SULF1: variants seen among roughly 807,000 people sequenced by gnomAD.
SULF1 encodes the protein extracellular sulfatase Sulf-1.
In SULF1, 46 loss-of-function variants were observed where a neutral mutation model predicts 110.5. That is an observed-to-expected ratio of 0.42 (90% CI 0.33 to 0.53). The LOEUF (loss-of-function observed/expected upper bound fraction) is 0.53, where lower values mean the gene tolerates loss of function less well. Ranked by LOEUF, SULF1 falls within the 20% of genes least tolerant of loss-of-function variation. The pLI is 0.12. For missense variants in SULF1, 941 were observed against 1,094.2 expected (o/e 0.86, Z 1.98); for synonymous variants, 371 against 387.1 (o/e 0.96, Z 0.49).
At chr8:69,539,668 G>T (rs1473680622) in intron 3 of SULF1, among the ~76,000 whole-genome samples, 1 of 152,142 alleles carries the variant, frequency 6.6e-6, no homozygotes, top group East Asian at 1.9e-4. Flanking sequence ...GATATGCGCA[G>T]GGCATTCCTC....
At chr8:69,616,702 G>GTTTT (rs35961171) in intron 13 of SULF1, among the ~76,000 whole-genome samples, 5 of 104,604 alleles carry the variant, frequency 4.8e-5, no homozygotes, top group Admixed American at 2.1e-4. Context: ...GTGCCCGGCC[G>GTTTT]TTTTTTTTTT....
intron 22 of SULF1, among the ~76,000 whole-genome samples, chr8:69,642,870 C>CCT (rs1457949427): frequency 3.3e-5 from 5 of 152,192 alleles, no homozygotes; most frequent in African/African-American, 9.6e-5. Context: ...GGACCCTCCC[C>CCT]TTCCCTGATC....
chr8:69,617,412 TATATATATATATATATATATA>T (rs1563592234), intron 13 of SULF1, among the ~76,000 whole-genome samples: 61 of 86,382 alleles, frequency 7.1e-4, no homozygotes, highest in Admixed American at 1.1e-3. Flanking sequence ...TATATATATA[TATATATATATATATATATATA>T]TGTTTTTTTT....
At chr8:69,556,585 T>C (rs572356954) in intron 3 of SULF1, among the ~76,000 whole-genome samples, 1 of 152,306 alleles carries the variant, frequency 6.6e-6, no homozygotes, top group African/African-American at 2.4e-5. Flanking sequence ...TAATGCAATA[T>C]CTCAAGGTAC....
rs190086440 is a variant in SULF1 at position 69,645,491 on chromosome 8, G to A, written c.2585+4650G>A. 5.1e-4 allele frequency among the ~76,000 whole-genome samples: 78 copies of A among 152,308 alleles called. 1 individual carries two copies. Among genetic ancestry groups the A allele is most frequent in the Admixed American group, 4.1e-3 (62 of 15,306 alleles). The stretch of plus-strand genomic sequence containing the variant: ...CGAAACAACCACCTCTGTGCCAAAC[G>A]CCGCCTTCACAGGGAGTGCAGTCTG... On this transcript the variant is annotated intron_variant, in intron 22 of 22. Transcript: ENST00000402687.
intron 3 of SULF1, among the ~76,000 whole-genome samples, chr8:69,505,491 T>C (rs905097346): frequency 4.6e-5 from 7 of 152,166 alleles, no homozygotes; most frequent in African/African-American, 1.4e-4. Context: ...GAAAATTTTA[T>C]TATAAGGATG....
chr8:69,586,454 T>C lies in SULF1; in HGVS notation c.510T>C (p.Asn170=), dbSNP rs770115379. 11 of 1,612,128 alleles carry C rather than the reference T, an allele frequency of 6.8e-6. No individual in the cohort carries two copies. The highest frequency in any genetic ancestry group is 9.3e-6 in the Non-Finnish European group (11 of 1,179,606). ...LGLIKNSRFY[N]YTVCRNGIKE... is the part of the protein sequence containing the mutation. ...TAATCAAGAATTCTCGCTTCTATAATTACACTGTTTGTCGCAATGGCATCA... is the reference window on the plus strand; with the variant it reads ...TAATCAAGAATTCTCGCTTCTATAACTACACTGTTTGTCGCAATGGCATCA... The change falls in exon 7 of 23, where the codon AAT becomes AAC. Residue 170 remains asparagine (N), a synonymous_variant. Coordinates refer to ENST00000402687, the MANE Select transcript of SULF1 (RefSeq NM_001128205.2).
chr8:69,614,787 G>A (rs2028444), intron 13 of SULF1, among the ~76,000 whole-genome samples: 118,147 of 152,238 alleles, frequency 0.78, 46,272 homozygotes, highest in African/African-American at 0.87. Flanking sequence ...TGGAAAGGCT[G>A]AAAGAAAATT....
intron 7 of SULF1, among the ~76,000 whole-genome samples, chr8:69,587,181 T>G (rs1331581870): frequency 6.6e-6 from 1 of 152,206 alleles, no homozygotes; most frequent in East Asian, 1.9e-4. Flanking sequence ...AAGTTTAAAT[T>G]TTTTTCAAAT....
chr8:69,580,647 G>A (rs930793665), intron 6 of SULF1, among the ~76,000 whole-genome samples: 5 of 152,064 alleles, frequency 3.3e-5, no homozygotes, highest in Non-Finnish European at 5.9e-5. Flanking sequence ...TGTGGTATTT[G>A]AATTATAATC....
chr8:69,530,297 C>A (rs1361973266), intron 3 of SULF1, among the ~76,000 whole-genome samples: 1 of 152,112 alleles, frequency 6.6e-6, no homozygotes, highest in East Asian at 1.9e-4. Flanking sequence ...TAGGGCTACC[C>A]TACATATTCA....
chr8:69,632,131 A>G (rs1367962529), intron 19 of SULF1, among the ~76,000 whole-genome samples: 2 of 152,200 alleles, frequency 1.3e-5, no homozygotes, highest in Non-Finnish European at 2.9e-5. Flanking sequence ...AGTGCCTGCC[A>G]CTGGGTGTCA....
At chr8:69,652,232 C>T (rs1237745884) in intron 22 of SULF1, among the ~76,000 whole-genome samples, 2 of 152,178 alleles carry the variant, frequency 1.3e-5, no homozygotes, top group Admixed American at 6.5e-5. Context: ...ACTCCCCCAC[C>T]CCAATCTCAG....
At chr8:69,502,833 G>A (rs781243116) in intron 3 of SULF1, among the ~76,000 whole-genome samples, 15 of 151,484 alleles carry the variant, frequency 9.9e-5, no homozygotes, top group East Asian at 1.9e-4. Context: ...GATTACAGGC[G>A]CCTGCCACCA....
At chr8:69,650,470 T>C (rs1812246919) in intron 22 of SULF1, among the ~76,000 whole-genome samples, 2 of 152,080 alleles carry the variant, frequency 1.3e-5, no homozygotes, top group African/African-American at 4.8e-5. Context: ...ACCTTATCTC[T>C]ACTAAAAATA....
At chr8:69,605,718 C>T (rs1028863961) in intron 13 of SULF1, among the ~76,000 whole-genome samples, 1 of 152,034 alleles carries the variant, frequency 6.6e-6, no homozygotes, top group Non-Finnish European at 1.5e-5. Flanking sequence ...GAACTTTGGC[C>T]CAAATCATTG....
intron 3 of SULF1, among the ~76,000 whole-genome samples, chr8:69,557,781 A>G (rs1815213172): frequency 6.6e-6 from 1 of 152,224 alleles, no homozygotes; most frequent in African/African-American, 2.4e-5. Context: ...TCCAATTTCA[A>G]GATTCACAGT....
intron 6 of SULF1, among the ~76,000 whole-genome samples, chr8:69,585,818 C>T (rs1378513219): frequency 6.6e-6 from 1 of 152,126 alleles, no homozygotes; most frequent in African/African-American, 2.4e-5. Flanking sequence ...CTGACCATAT[C>T]CCATAAAAAT....
intron 17 of SULF1, 81 bp from the exon 18 acceptor site, chr8:69,628,090 T>C: frequency 2.5e-6 from 3 of 1,205,544 alleles, no homozygotes; most frequent in Non-Finnish European, 3.6e-6. Context: ...CTTCTTTCTA[T>C]TTTGCTTTCT....
Sources: gnomAD v4.1 joint callset for allele counts (sites outside exome capture counted in the v4.1 genomes callset) on GRCh38, gnomAD v4.1.1 for gene constraint, MANE v1.5 for transcripts, NCBI Gene and HGNC (gene_info 2026-07-23, HGNC 2026-07-21) for gene names.